The following AP3B1 variants were observed in gnomAD, a reference collection of about 807,000 sequenced individuals.
AP3B1 encodes adaptor related protein complex 3 subunit beta 1.
A neutral mutation model predicts 132.5 loss-of-function variants in AP3B1; 61 were observed. The ratio of observed to expected loss-of-function variants is 0.46; its 90% CI spans 0.37 to 0.57. The LOEUF (loss-of-function observed/expected upper bound fraction) is 0.57. Ranked by LOEUF, AP3B1 falls within the 20% of genes least tolerant of loss-of-function variation. The pLI, the probability that AP3B1 is intolerant of heterozygous loss-of-function variation, is 0.00. For missense variants in AP3B1, 1,120 were observed against 1,289.4 expected (o/e 0.87, Z 2.01); for synonymous variants, 388 against 438.3 (o/e 0.89, Z 1.43).
chr5:78,130,459 A>G (rs1250927873), intron 15 of AP3B1, among the ~76,000 whole-genome samples: 38 of 152,092 alleles, frequency 2.5e-4, no homozygotes, highest in Non-Finnish European at 1.5e-5. Context: ...TTTCAGTAGC[A>G]GAGTAGTTAA....
At chr5:78,177,529 C>T (rs1561459810) in intron 8 of AP3B1, 93 bp from the exon 9 acceptor site, 2 of 940,138 alleles carry the variant, frequency 2.1e-6, no homozygotes, top group Admixed American at 1.8e-5. Flanking sequence ...CCTCTAAGTC[C>T]TACAAATTCC....
At chr5:78,025,442 C>A (rs945077063) in intron 24 of AP3B1, among the ~76,000 whole-genome samples, 4 of 152,184 alleles carry the variant, frequency 2.6e-5, no homozygotes, top group African/African-American at 9.7e-5. Context: ...GAGAGCCCAA[C>A]TGAAACATAT....
intron 20 of AP3B1, chr5:78,101,334 G>T (rs1289089723): frequency 2.2e-6 from 1 of 454,620 alleles, no homozygotes; most frequent in East Asian, 6.5e-5. Context: ...ACGTAAAGTG[G>T]CTCTTTGGTA....
At chr5:78,272,280 A>G (rs1488687486) in intron 1 of AP3B1, among the ~76,000 whole-genome samples, 1 of 140,928 alleles carries the variant, frequency 7.1e-6, no homozygotes, top group Admixed American at 6.9e-5. Flanking sequence ...CTGATGTCTT[A>G]CGCTCCTTAA....
chr5:78,173,851 G>C (rs1580443735), intron 11 of AP3B1, among the ~76,000 whole-genome samples: 1 of 152,062 alleles, frequency 6.6e-6, no homozygotes, highest in South Asian at 2.1e-4. Context: ...TTTTCCCACA[G>C]TCTGTTATTT....
chr5:78,159,420 G>C (rs561094618), intron 13 of AP3B1, among the ~76,000 whole-genome samples: 1 of 152,210 alleles, frequency 6.6e-6, no homozygotes, highest in South Asian at 2.1e-4. Context: ...TCTAACATAG[G>C]TCTTATGGGA....
intron 25 of AP3B1, among the ~76,000 whole-genome samples, chr5:78,017,933 T>C (rs1746923395): frequency 6.6e-6 from 1 of 151,920 alleles, no homozygotes; most frequent in African/African-American, 2.4e-5. Context: ...GCAAACCAAA[T>C]AACATAAAAA....
At chr5:78,101,758 T>C (rs1486996780) in intron 20 of AP3B1, among the ~76,000 whole-genome samples, 1 of 152,084 alleles carries the variant, frequency 6.6e-6, no homozygotes, top group African/African-American at 2.4e-5. Flanking sequence ...GCCTGAACTG[T>C]TCACAGTTTG....
rs1010248561 is a variant in AP3B1, at chr5:78,031,697, T to C, written c.2894+2664A>G. Among the ~76,000 whole-genome samples, 158 of 152,354 alleles carry C rather than the reference T, an allele frequency of 1.0e-3. 2 individuals are homozygous for C. The highest frequency in any genetic ancestry group is 3.5e-3 in the African/African-American group (146 of 41,584). Reference sequence around the variant, plus strand: ...TCTGCCAGATTGGTTCTTACCATTATGGTAGTTTTCCCCCACGAGTGTTTT... The same window carrying C: ...TCTGCCAGATTGGTTCTTACCATTACGGTAGTTTTCCCCCACGAGTGTTTT... On this transcript the variant is annotated intron_variant, in intron 24 of 26. Coordinates refer to ENST00000255194, the MANE Select transcript of AP3B1 (RefSeq NM_003664.5).
intron 11 of AP3B1, among the ~76,000 whole-genome samples, chr5:78,175,363 A>C (rs956380417): frequency 6.6e-6 from 1 of 152,212 alleles, no homozygotes; most frequent in African/African-American, 2.4e-5. Context: ...ACAAATCTCC[A>C]AAGTTATTTA....
chr5:78,045,532 GGTTCCAT>G (rs1171527811), intron 22 of AP3B1, among the ~76,000 whole-genome samples: 1 of 151,704 alleles, frequency 6.6e-6, no homozygotes, highest in East Asian at 1.9e-4. Context: ...AAACCGAGTG[GGTTCCAT>G]AAATACTTCG....
intron 23 of AP3B1, among the ~76,000 whole-genome samples, chr5:78,037,173 G>A (rs1338048784): frequency 7.2e-5 from 11 of 152,036 alleles, no homozygotes; most frequent in Non-Finnish European, 1.3e-4. Context: ...GCCAACTAAA[G>A]GTCAACTCAT....
chr5:78,216,959 T>C (rs1336059980), intron 6 of AP3B1, among the ~76,000 whole-genome samples: 1 of 152,116 alleles, frequency 6.6e-6, no homozygotes, highest in Non-Finnish European at 1.5e-5. Flanking sequence ...AGTGGTAACA[T>C]TGAGATTCCT....
At chr5:78,269,912 G>C (rs1748479700) in intron 1 of AP3B1, among the ~76,000 whole-genome samples, 1 of 151,732 alleles carries the variant, frequency 6.6e-6, no homozygotes, top group Non-Finnish European at 1.5e-5. Flanking sequence ...TTATGTTTTT[G>C]TTTGTTTGTT....
intron 22 of AP3B1, among the ~76,000 whole-genome samples, chr5:78,066,243 C>T (rs1441049365): frequency 6.6e-6 from 1 of 152,156 alleles, no homozygotes; most frequent in East Asian, 1.9e-4. Flanking sequence ...CTCAAAAAGC[C>T]AGAGTGCCTC....
At position 78,216,161 on chromosome 5, in the gene AP3B1, C is replaced by T. The variant is rs367631130; in HGVS notation, c.680G>A (p.Arg227His). ...DRIDLIHKNY[R>H]KLCNLLVDVE... ...ATCCACTAGTAAGTTACATAGCTTG[C>T]GGTAATTTTTATGAATCAGATCTAT... Residue 227 changes from arginine (R) to histidine (H), a missense_variant, in exon 7 of 27, where the codon CGC (arginine) becomes CAC (histidine). Coordinates refer to ENST00000255194, the MANE Select transcript of AP3B1 (RefSeq NM_003664.5). 12 of 1,613,796 alleles carry T rather than the reference C, an allele frequency of 7.4e-6. No individual in the cohort carries two copies. The highest frequency in any genetic ancestry group is 4.5e-5 in the East Asian group (2 of 44,880).
In AP3B1 at chr5:78,142,629, T is replaced by G. The variant is rs1041372771; in HGVS notation, c.1474-1310A>C. On this transcript the variant is annotated intron_variant, in intron 14 of 26. Coordinates refer to ENST00000255194, the MANE Select transcript of AP3B1 (RefSeq NM_003664.5). ...AAAACACCCACATTATGAAATTATATAAAAATATTAAGTTACAATATTGAG... is the reference window on the plus strand; with the variant it reads ...AAAACACCCACATTATGAAATTATAGAAAAATATTAAGTTACAATATTGAG... Among the ~76,000 whole-genome samples, 4 of 141,152 alleles carry G rather than the reference T, an allele frequency of 2.8e-5. No homozygotes were observed. The East Asian group carries it at 7.7e-4, about 27-fold the overall frequency. The allele number at this position is 141,152 out of a possible 152,430, so 92.6% of individuals were successfully genotyped here.
chr5:78,056,547 T>C (rs376031986), intron 22 of AP3B1, among the ~76,000 whole-genome samples: 2 of 152,286 alleles, frequency 1.3e-5, no homozygotes, highest in African/African-American at 2.4e-5. Flanking sequence ...TATAACAACA[T>C]TGCTGTATTT....
chr5:78,196,426 T>G (rs1434867133), intron 7 of AP3B1, among the ~76,000 whole-genome samples: 4 of 152,204 alleles, frequency 2.6e-5, no homozygotes, highest in Non-Finnish European at 5.9e-5. Flanking sequence ...CCGATGGGAA[T>G]GCAAAATGGT....
Sources: gnomAD v4.1 joint callset for allele counts (sites outside exome capture counted in the v4.1 genomes callset) on GRCh38, gnomAD v4.1.1 for gene constraint, MANE v1.5 for transcripts, NCBI Gene and HGNC (gene_info 2026-07-23, HGNC 2026-07-21) for gene names.